The following HPCAL1 variants were observed in gnomAD, a reference collection of about 807,000 sequenced individuals.
HPCAL1 encodes the protein hippocalcin like 1.
A neutral mutation model predicts 17.1 loss-of-function variants in HPCAL1; 8 were observed. The ratio of observed to expected loss-of-function variants is 0.47; its 90% confidence interval spans 0.27 to 0.84. The LOEUF is 0.84. Ranked by LOEUF, HPCAL1 falls within the 40% of genes least tolerant of loss-of-function variation. The pLI is 0.13. For missense variants in HPCAL1, 165 were observed against 271.1 expected (o/e 0.61, Z 2.75); for synonymous variants, 112 against 111.4 (o/e 1.01, Z -0.03).
At chr2:10,372,227 G>A (rs1667256604) in intron 1 of HPCAL1, among the ~76,000 whole-genome samples, 1 of 152,200 alleles carries the variant, frequency 6.6e-6, no homozygotes, top group South Asian at 2.1e-4. Flanking sequence ...GAGCCATGGC[G>A]AGGAAGCTGG....
chr2:10,318,872 C>G (rs1057303693), intron 1 of HPCAL1, among the ~76,000 whole-genome samples: 5 of 152,188 alleles, frequency 3.3e-5, no homozygotes, highest in African/African-American at 1.2e-4. Flanking sequence ...CTCCCTGAAG[C>G]TTGAATAGCA....
rs551416851 is a variant in HPCAL1, at chr2:10,344,386, G to A, written c.-111+41209G>A. On this transcript the variant is annotated intron_variant, in intron 1 of 4. Coordinates refer to ENST00000307845, the MANE Select transcript of HPCAL1 (RefSeq NM_002149.4). This position sits in a 1 kb window ranked among gnomAD's most constrained non-coding sequence, Gnocchi z 4.9. The stretch of plus-strand genomic sequence containing the variant: ...CCCGAAGTGCCGCTAGGTGCCTCAC[G>A]ATTAGCATAAGGCCCGTTTATCCAG... 3.3e-5 allele frequency among the ~76,000 whole-genome samples: 5 copies of A among 152,294 alleles called. No individual in the cohort carries two copies. The highest frequency in any genetic ancestry group is 4.8e-5 in the African/African-American group (2 of 41,580).
intron 1 of HPCAL1, among the ~76,000 whole-genome samples, chr2:10,327,692 A>G (rs1044567627): frequency 2.6e-5 from 4 of 152,012 alleles, no homozygotes; most frequent in Non-Finnish European, 5.9e-5. Context: ...TTGGGAACCA[A>G]TTTTCCATAG....
At chr2:10,381,707 A>G (rs1468421730) in intron 1 of HPCAL1, among the ~76,000 whole-genome samples, 2 of 152,350 alleles carry the variant, frequency 1.3e-5, no homozygotes, top group East Asian at 3.9e-4. Flanking sequence ...AATGGCTGTC[A>G]GGGAATTGTA....
intron 2 of HPCAL1, among the ~76,000 whole-genome samples, chr2:10,407,798 TCTGA>T (rs1343273980): frequency 1.3e-5 from 2 of 152,216 alleles, no homozygotes; most frequent in Admixed American, 6.5e-5. Context: ...GAGCAGCTTC[TCTGA>T]CTGGGACAAA....
chr2:10,419,046 C>T lies in HPCAL1; in HGVS notation c.-24-688C>T, dbSNP rs2148028358. 6.8e-6 allele frequency among the ~76,000 whole-genome samples: 1 copy of T among 147,012 alleles called. No homozygotes were observed. Among genetic ancestry groups the T allele is most frequent in the African/African-American group, 2.7e-5 (1 of 36,494 alleles). Reference sequence around the variant, plus strand: ...CCAACATGGTGAAACCCTGTCTCTACTAAAAATACAAAAAATTAGCTGGGC... The same window carrying T: ...CCAACATGGTGAAACCCTGTCTCTATTAAAAATACAAAAAATTAGCTGGGC... On this transcript the variant is annotated intron_variant, in intron 2 of 4. Coordinates refer to ENST00000307845, the MANE Select transcript of HPCAL1 (RefSeq NM_002149.4). The surrounding 1 kb of genome is among the most constrained non-coding windows in gnomAD (Gnocchi z 5.0).
intron 1 of HPCAL1, among the ~76,000 whole-genome samples, chr2:10,383,812 G>T (rs767660138): frequency 6.6e-6 from 1 of 152,140 alleles, no homozygotes; most frequent in Non-Finnish European, 1.5e-5. Flanking sequence ...GCGGGGAAGG[G>T]GGGGCTGTCC....
intron 4 of HPCAL1, chr2:10,425,095 TCTC>T: frequency 6.1e-6 from 1 of 164,116 alleles, no homozygotes; most frequent in Non-Finnish European, 1.3e-5. Context: ...CAGCTCTGGT[TCTC>T]CTGACTGGAG....
At chr2:10,398,914 C>G (rs971630473) in intron 2 of HPCAL1, among the ~76,000 whole-genome samples, 1 of 152,050 alleles carries the variant, frequency 6.6e-6, no homozygotes, top group Non-Finnish European at 1.5e-5. Flanking sequence ...GGGGCCACTT[C>G]CACTCCTTCA....
Position 10,426,920 on chromosome 2 carries a change from C to A in HPCAL1, c.*99C>A. 3 of 1,149,178 alleles carry A rather than the reference C, an allele frequency of 2.6e-6. No homozygotes were observed. The highest frequency in any genetic ancestry group is 2.4e-5 in the East Asian group (1 of 40,916). The allele number at this position is 1,149,178 out of a possible 1,614,324, so 71.2% of individuals were successfully genotyped here. ...TGCCCCGCAATCGTTCCTGCTCTCC[C>A]GGGCCCCGGGCCTGGGGCATGCGTT... On this transcript the variant is annotated 3_prime_UTR_variant, in exon 5 of 5. Transcript: ENST00000307845.
rs773607255 is a variant in HPCAL1 at position 10,423,009 on chromosome 2, G to A, written c.405G>A (p.Val135=). 3 of 1,613,564 alleles carry A rather than the reference G, an allele frequency of 1.9e-6. No homozygotes were observed. In the South Asian group the frequency reaches 3.3e-5, roughly 18 times the overall value. The change falls in exon 4 of 5, where the codon GTG becomes GTA. Residue 135 remains valine (V), a synonymous_variant. Transcript: ENST00000307845. The part of the protein sequence containing the change: ...VQAIYKMVSS[V]MKMPEDESTP... ...CCATCTACAAGATGGTGTCGTCTGT[G>A]ATGAAGATGCCGGAGGATGAGTCCA...
chr2:10,387,989 G>A (rs1461749322), intron 1 of HPCAL1, among the ~76,000 whole-genome samples: 1 of 152,152 alleles, frequency 6.6e-6, no homozygotes, highest in South Asian at 2.1e-4. Flanking sequence ...AGGGGTGGAG[G>A]GAGGCCTGGA....
chr2:10,387,893 T>C (rs1475428518), intron 1 of HPCAL1, among the ~76,000 whole-genome samples: 1 of 152,214 alleles, frequency 6.6e-6, no homozygotes, highest in African/African-American at 2.4e-5. Context: ...TTCTTTTCTT[T>C]TCTTTTCTCC....
At chr2:10,357,247 T>C (rs2125477853) in intron 1 of HPCAL1, among the ~76,000 whole-genome samples, 1 of 152,340 alleles carries the variant, frequency 6.6e-6, no homozygotes, top group East Asian at 1.9e-4. Context: ...CATGAGAGGC[T>C]TGCAGTACCC....
At chr2:10,306,370 C>T (rs1374152466) in intron 1 of HPCAL1, among the ~76,000 whole-genome samples, 1 of 152,104 alleles carries the variant, frequency 6.6e-6, no homozygotes, top group Non-Finnish European at 1.5e-5. Flanking sequence ...TTAGGATGAG[C>T]AGACACTTGT....
intron 2 of HPCAL1, among the ~76,000 whole-genome samples, chr2:10,399,475 TCAC>T (rs1415369640): frequency 2.0e-4 from 6 of 29,378 alleles, no homozygotes; most frequent in South Asian, 1.0e-3. Context: ...ATCACCATCA[TCAC>T]CACCATCACC....
intron 2 of HPCAL1, among the ~76,000 whole-genome samples, chr2:10,414,274 G>A (rs1670520031): frequency 6.6e-6 from 1 of 152,222 alleles, no homozygotes; most frequent in South Asian, 2.1e-4. Context: ...TTCCCCAAGG[G>A]TGGCTGCTGT....
rs34031495 is a variant in HPCAL1 at position 10,409,777 on chromosome 2, C to CTTT, written c.-24-9929_-24-9927dup. On this transcript the variant is annotated intron_variant, in intron 2 of 4. Coordinates refer to ENST00000307845, the MANE Select transcript of HPCAL1 (RefSeq NM_002149.4). ...CTCCAGCCTCTTCCTGAGCCTCAGT[C>CTTT]TTTTTTTTTTTTTTTTTTTTTTTTT... 1.2e-3 allele frequency among the ~76,000 whole-genome samples: 72 copies of CTTT among 62,518 alleles called. 9 individuals carry two copies. Among genetic ancestry groups the CTTT allele is most frequent in the Admixed American group, 1.7e-3 (8 of 4,752 alleles). The allele number at this position is 62,518 out of a possible 152,430, so 41.0% of individuals were successfully genotyped here. A position where few individuals can be genotyped will look rare whatever the true frequency, so the allele number is the denominator to read the frequency against.
At chr2:10,360,746 C>A (rs1666471719) in intron 1 of HPCAL1, among the ~76,000 whole-genome samples, 1 of 152,080 alleles carries the variant, frequency 6.6e-6, no homozygotes. Flanking sequence ...GAAAATGAAT[C>A]TCCTGTGATG....
Sources: gnomAD v4.1 joint callset for allele counts (sites outside exome capture counted in the v4.1 genomes callset) on GRCh38, gnomAD v4.1.1 for gene constraint, Gnocchi (gnomAD v3.1) non-coding constraint, MANE v1.5 for transcripts, NCBI Gene and HGNC (gene_info 2026-07-23, HGNC 2026-07-21) for gene names.